PDGFRL: variants seen among roughly 807,000 people sequenced by gnomAD.
PDGFRL encodes platelet-derived growth factor receptor-like protein.
PDGFRL carries 46 observed loss-of-function variants against 37.2 expected under a neutral mutation model. That is an observed-to-expected ratio of 1.24 (90% CI 0.98 to 1.58). The LOEUF (loss-of-function observed/expected upper bound fraction) is 1.58. Among genes scored for constraint, PDGFRL ranks in the 40% most tolerant of loss-of-function variants. PDGFRL has a pLI of 0.00. For missense variants in PDGFRL, 692 were observed against 467.6 expected, an observed-to-expected ratio of 1.48 and a Z score of -4.43; for synonymous variants, 251 against 184.3, an observed-to-expected ratio of 1.36 and a Z score of -2.93.
At chr8:17,593,489 T>C (rs542065367) in intron 2 of PDGFRL, among the ~76,000 whole-genome samples, 2 of 151,622 alleles carry the variant, frequency 1.3e-5, no homozygotes, top group African/African-American at 4.8e-5. Context: ...TCCCAGCTAC[T>C]TGGGAGGCTA....
At chr8:17,584,402 G>A (rs1489073340) in intron 1 of PDGFRL, among the ~76,000 whole-genome samples, 1 of 151,588 alleles carries the variant, frequency 6.6e-6, no homozygotes, top group South Asian at 2.1e-4. Flanking sequence ...TAGAGGCGGG[G>A]TCAGGACAGG....
At chr8:17,594,485 T>A (rs926631753) in intron 2 of PDGFRL, among the ~76,000 whole-genome samples, 2 of 152,120 alleles carry the variant, frequency 1.3e-5, no homozygotes, top group Non-Finnish European at 2.9e-5. Flanking sequence ...AACTGATCTG[T>A]CTGCCTCAGC....
chr8:17,642,674 C>T lies in PDGFRL; in HGVS notation c.1001C>T (p.Thr334Ile), dbSNP rs1462593621. 6.2e-7 allele frequency: 1 copy of T among 1,606,350 alleles called. No individual in the cohort carries two copies. The highest frequency in any genetic ancestry group is 8.5e-7 in the Non-Finnish European group (1 of 1,172,876). Residue 334 changes from threonine to isoleucine, a missense_variant, in exon 6 of 6, where the codon ACC becomes ATC. Thr to Ile is a moderately conservative substitution (Grantham distance 89). Coordinates refer to ENST00000251630, the MANE Select transcript of PDGFRL (RefSeq NM_001372073.1). Reference protein sequence around the residue: ...WRLIHRGLGHTTRISQSVITV... With the variant: ...WRLIHRGLGHITRISQSVITV... Reference sequence around the variant, plus strand: ...TTGATCCACAGAGGACTGGGACACACCACGAGAATCTCCCAGAGTGTCATT... The same window carrying T: ...TTGATCCACAGAGGACTGGGACACATCACGAGAATCTCCCAGAGTGTCATT...
At position 17,584,631 on chromosome 8, in the gene PDGFRL, T is replaced by G. The variant is rs975380926; in HGVS notation, c.56-4837T>G. On this transcript the variant is annotated intron_variant, in intron 1 of 5. Coordinates refer to ENST00000251630, the MANE Select transcript of PDGFRL (RefSeq NM_001372073.1). ...ATCGAGTTTTTCAAGAAGAGCGTCATCAACTGTATTCTAACAGGTGTTGTG... is the reference window on the plus strand; with the variant it reads ...ATCGAGTTTTTCAAGAAGAGCGTCAGCAACTGTATTCTAACAGGTGTTGTG... Among the ~76,000 whole-genome samples, 3 of 151,920 alleles carry G rather than the reference T, an allele frequency of 2.0e-5. No homozygotes were observed. The South Asian group carries it at 6.2e-4, about 32-fold the overall frequency.
Position 17,594,792 on chromosome 8 carries a change from C to T in PDGFRL, c.353+5027C>T, listed in dbSNP as rs925872943. Among the ~76,000 whole-genome samples the T allele has an allele frequency of 3.3e-5, 5 of 152,126 alleles. No individual in the cohort carries two copies. The East Asian group carries it at 7.7e-4, about 24-fold the overall frequency. ...TCCTGACCTCATGATCCACCCACCT[C>T]GGCCTCCCAAAGTGCTGGGATTACA... On this transcript the variant is annotated intron_variant, in intron 2 of 5. Coordinates refer to ENST00000251630, the MANE Select transcript of PDGFRL (RefSeq NM_001372073.1).
intron 2 of PDGFRL, among the ~76,000 whole-genome samples, chr8:17,608,026 T>G (rs1004803773): frequency 9.9e-5 from 15 of 152,154 alleles, no homozygotes; most frequent in African/African-American, 3.4e-4. Flanking sequence ...CCCTGGGGAG[T>G]CCGCCCAGAA....
At chr8:17,634,476 T>C (rs983144797) in intron 5 of PDGFRL, among the ~76,000 whole-genome samples, 5 of 151,758 alleles carry the variant, frequency 3.3e-5, no homozygotes, top group African/African-American at 1.2e-4. Context: ...CCTCTTCATA[T>C]GCAGGTTTTT....
intron 2 of PDGFRL, among the ~76,000 whole-genome samples, chr8:17,602,048 C>T (rs1804176525): frequency 6.6e-6 from 1 of 152,186 alleles, no homozygotes; most frequent in Non-Finnish European, 1.5e-5. Context: ...AACTGCTTTG[C>T]ACAGTGGCTG....
In PDGFRL at chr8:17,589,560, C is replaced by A; in HGVS notation, c.148C>A (p.Pro50Thr). ...CAACAAGAAGGTGAAGCCCAAAATT[C>A]CTAAAATGAAGGACAGGGACTCAGC... ...PTNKKVKPKI[P>T]KMKDRDSANS... The change falls in exon 2 of 6, where the codon CCT becomes ACT. Residue 50 changes from proline (P) to threonine (T), a missense_variant. By Grantham distance (38) the Pro-to-Thr change is conservative. Coordinates refer to ENST00000251630, the MANE Select transcript of PDGFRL (RefSeq NM_001372073.1). 1 of 1,613,578 alleles carries A rather than the reference C, an allele frequency of 6.2e-7. No individual in the cohort carries two copies. Among genetic ancestry groups the A allele is most frequent in the Non-Finnish European group, 8.5e-7 (1 of 1,179,504 alleles).
chr8:17,625,033 A>G (rs1192721012), intron 3 of PDGFRL, among the ~76,000 whole-genome samples: 1 of 151,878 alleles, frequency 6.6e-6, no homozygotes, highest in Non-Finnish European at 1.5e-5. Flanking sequence ...GTACATGTGC[A>G]CAATGTGCAG....
intron 2 of PDGFRL, among the ~76,000 whole-genome samples, chr8:17,617,165 C>G (rs542029253): frequency 2.0e-5 from 3 of 152,272 alleles, no homozygotes; most frequent in African/African-American, 4.8e-5. Flanking sequence ...TGAACACTTT[C>G]ACTTTGAAAC....
chr8:17,594,618 G>A (rs2720523), intron 2 of PDGFRL, among the ~76,000 whole-genome samples: 129,153 of 151,282 alleles, frequency 0.85, 57,119 homozygotes, highest in Non-Finnish European at 0.97. Flanking sequence ...GCAGTGGTGC[G>A]ATCTCAGCTC....
At chr8:17,612,232 A>C (rs911780011) in intron 2 of PDGFRL, among the ~76,000 whole-genome samples, 4 of 152,246 alleles carry the variant, frequency 2.6e-5, no homozygotes, top group African/African-American at 9.6e-5. Flanking sequence ...CAGGTATTTA[A>C]ATACACATGA....
At chr8:17,637,178 G>T (rs901099178) in intron 5 of PDGFRL, among the ~76,000 whole-genome samples, 1 of 152,164 alleles carries the variant, frequency 6.6e-6, no homozygotes, top group Non-Finnish European at 1.5e-5. Context: ...TCCTTGTCTT[G>T]TTGCAGTTCT....
At chr8:17,632,604 T>C (rs1453796032) in intron 4 of PDGFRL, among the ~76,000 whole-genome samples, 1 of 152,222 alleles carries the variant, frequency 6.6e-6, no homozygotes, top group East Asian at 1.9e-4. Flanking sequence ...CCCAAAGTGC[T>C]GGGATTACAG....
At chr8:17,606,247 T>G (rs1470405589) in intron 2 of PDGFRL, among the ~76,000 whole-genome samples, 1 of 152,202 alleles carries the variant, frequency 6.6e-6, no homozygotes, top group African/African-American at 2.4e-5. Context: ...TATTAACCAT[T>G]TTTAAGGAGA....
intron 1 of PDGFRL, among the ~76,000 whole-genome samples, chr8:17,577,532 C>A (rs751213688): frequency 6.6e-6 from 1 of 151,852 alleles, no homozygotes; most frequent in Non-Finnish European, 1.5e-5. Flanking sequence ...GCAGCTACCC[C>A]GACCCTTAGG....
chr8:17,623,903 T>C (rs1399267765), intron 3 of PDGFRL, among the ~76,000 whole-genome samples: 9 of 150,426 alleles, frequency 6.0e-5, no homozygotes, highest in African/African-American at 2.0e-4. Context: ...TCTCTTTGAG[T>C]TTTGGAGGCG....
intron 1 of PDGFRL, among the ~76,000 whole-genome samples, chr8:17,581,562 C>T (rs1218129924): frequency 1.3e-5 from 2 of 151,990 alleles, no homozygotes; most frequent in East Asian, 3.9e-4. Flanking sequence ...GGTGTTTGGG[C>T]CTTGGGGGTA....
Sources: gnomAD v4.1 joint callset for allele counts (sites outside exome capture counted in the v4.1 genomes callset) on GRCh38, gnomAD v4.1.1 for gene constraint, MANE v1.5 for transcripts, NCBI Gene and HGNC (gene_info 2026-07-23, HGNC 2026-07-21) for gene names.